The following SAP130 variants were observed in gnomAD, a reference collection of about 807,000 sequenced individuals.
The protein encoded by SAP130 is histone deacetylase complex subunit SAP130.
SAP130 carries 16 observed loss-of-function variants against 103.2 expected under a neutral mutation model. The ratio of observed to expected loss-of-function variants is 0.16; its 90% CI spans 0.10 to 0.24. The LOEUF is 0.24. Ranked by LOEUF, SAP130 falls within the 10% of genes least tolerant of loss-of-function variation. The probability of loss-of-function intolerance (pLI) is 1.00; values close to 1 mark genes in which losing one functional copy is unlikely to be tolerated. For missense variants in SAP130, 990 were observed against 1,359.7 expected (o/e 0.73, Z 4.28); for synonymous variants, 477 against 497.0 (o/e 0.96, Z 0.53).
At chr2:127,999,638 T>A in intron 10 of SAP130, 103 bp downstream of exon 10, 16 of 514,846 alleles carry the variant, frequency 3.1e-5, no homozygotes, top group Non-Finnish European at 4.7e-5. Flanking sequence ...AAAGAGGAAA[T>A]CAACAATGGT....
chr2:127,976,970 A>C (rs1409377832), intron 15 of SAP130, among the ~76,000 whole-genome samples: 1 of 152,160 alleles, frequency 6.6e-6, no homozygotes, highest in African/African-American at 2.4e-5. Context: ...ACGTGGAAAG[A>C]TACTTATCAG....
chr2:127,950,356 T>C lies in SAP130; in HGVS notation c.2475A>G (p.Ala825=), dbSNP rs370873609. Residue 825 remains alanine, a synonymous_variant, in exon 17 of 21, where the codon GCA becomes GCG. Coordinates refer to ENST00000643581, the MANE Select transcript of SAP130 (RefSeq NM_001330301.2). Reference sequence around the variant, plus strand: ...CACTTGTAGGCATGGACAAGTTGTTTGCCAGCAATGCAAGAGATGGAGACA... The same window carrying C: ...CACTTGTAGGCATGGACAAGTTGTTCGCCAGCAATGCAAGAGATGGAGACA... ...NTVSPSLALL[A]NNLSMPTSDL... 27 of 1,614,126 alleles carry C rather than the reference T, an allele frequency of 1.7e-5. No homozygotes were observed. Among genetic ancestry groups the C allele is most frequent in the Non-Finnish European group, 2.1e-5 (25 of 1,180,044 alleles).
In SAP130 at chr2:128,017,795, A is replaced by G; in HGVS notation, c.233T>C (p.Val78Ala). 6.2e-7 allele frequency: 1 copy of G among 1,614,158 alleles called. No homozygotes were observed. The highest frequency in any genetic ancestry group is 8.5e-7 in the Non-Finnish European group (1 of 1,180,026). ...AGCATGGTGTGTCGACAACATCTGC[A>G]CCTGTGGATAGGGCCTTACCACAAC... is the stretch of plus-strand genomic sequence containing the variant. ...EPVVVRPYPQ[V>A]QMLSTHHAVA... The change falls in exon 3 of 21, where the codon GTG (valine) becomes GCG (alanine). Residue 78 changes from valine to alanine, a missense_variant. This residue lies in a region of SAP130 where 167 missense variants were observed against 187.4 expected (regional missense o/e 0.89). Transcript: ENST00000643581.
intron 4 of SAP130, among the ~76,000 whole-genome samples, 179 bp downstream of exon 4, chr2:128,016,210 G>A (rs927902501): frequency 1.3e-5 from 2 of 152,008 alleles, no homozygotes; most frequent in Non-Finnish European, 2.9e-5. Context: ...ATGGACACTG[G>A]CTTCTACTCC....
chr2:127,958,635 T>TGAGAGAGAGAGAGAGAGA (rs372337440), intron 15 of SAP130, among the ~76,000 whole-genome samples: 3 of 127,708 alleles, frequency 2.3e-5, no homozygotes, highest in East Asian at 2.4e-4. Context: ...GTGAGACAGA[T>TGAGAGAGAGAGAGAGAGA]GAGAGAGAGA....
At chr2:127,957,380 A>AT (rs1331057849) in intron 15 of SAP130, among the ~76,000 whole-genome samples, 2 of 152,248 alleles carry the variant, frequency 1.3e-5, no homozygotes, top group African/African-American at 2.4e-5. Context: ...TTGAATAGGC[A>AT]TAAGAAAGAA....
At chr2:127,965,451 A>G (rs891053451) in intron 15 of SAP130, among the ~76,000 whole-genome samples, 1 of 152,134 alleles carries the variant, frequency 6.6e-6, no homozygotes, top group Non-Finnish European at 1.5e-5. Flanking sequence ...AGCTTGAGTG[A>G]CACAGTGAGA....
At chr2:127,981,318 A>AGCTCCCCCACCCCG (rs1681865081) in intron 14 of SAP130, among the ~76,000 whole-genome samples, 1 of 32,518 alleles carries the variant, frequency 3.1e-5, no homozygotes, top group Non-Finnish European at 6.6e-5. Flanking sequence ...CTGCACCCCC[A>AGCTCCCCCACCCCG]ATTCAGCTCC....
intron 7 of SAP130, among the ~76,000 whole-genome samples, chr2:128,006,958 TA>T (rs1426832538): frequency 1.3e-5 from 2 of 152,188 alleles, no homozygotes; most frequent in Admixed American, 1.3e-4. Context: ...ATCATCTGAT[TA>T]GGGTTTTTGT....
rs116654069 is a variant in SAP130, at chr2:127,961,473, C to T, written c.2064-6129G>A. Among the ~76,000 whole-genome samples the T allele has an allele frequency of 6.6e-3, 1,004 of 151,432 alleles. 17 individuals are homozygous for T. Among genetic ancestry groups the T allele is most frequent in the African/African-American group, 0.023 (963 of 41,268 alleles). On this transcript the variant is annotated intron_variant, in intron 15 of 20. Coordinates refer to ENST00000643581, the MANE Select transcript of SAP130 (RefSeq NM_001330301.2). ...CAAATGTTATTTTCTTACCCAACTT[C>T]CCTGCTTATTTCAAAACTGTCATAG...
At chr2:127,976,933 T>C (rs1313543734) in intron 15 of SAP130, among the ~76,000 whole-genome samples, 2 of 151,898 alleles carry the variant, frequency 1.3e-5, no homozygotes, top group East Asian at 3.9e-4. Context: ...AATCTATCAA[T>C]CTATCTACAT....
chr2:127,952,950 T>C (rs1393582984), intron 16 of SAP130, among the ~76,000 whole-genome samples: 1 of 152,170 alleles, frequency 6.6e-6, no homozygotes, highest in Non-Finnish European at 1.5e-5. Flanking sequence ...TCCAGGCTCA[T>C]GACTTTAAAT....
chr2:127,993,344 C>T, intron 11 of SAP130, 36 bp from the exon 12 acceptor site: 1 of 1,570,080 alleles, frequency 6.4e-7, no homozygotes, highest in Non-Finnish European at 8.6e-7. Context: ...ACAAAATAGT[C>T]ATTTTCTTCT....
intron 7 of SAP130, among the ~76,000 whole-genome samples, chr2:128,004,910 T>A (rs1683848611): frequency 6.6e-6 from 1 of 152,076 alleles, no homozygotes; most frequent in South Asian, 2.1e-4. Flanking sequence ...CAATTACAAA[T>A]GGGGATCCAG....
At position 127,949,881 on chromosome 2, in the gene SAP130, C is replaced by T. The variant is rs368212529; in HGVS notation, c.2785G>A (p.Val929Ile). 75 of 1,613,992 alleles carry T rather than the reference C, an allele frequency of 4.6e-5. No individual in the cohort carries two copies. The highest frequency in any genetic ancestry group is 5.0e-5 in the Non-Finnish European group (59 of 1,180,008). The change falls in exon 18 of 21, where the codon GTC becomes ATC. Residue 929 changes from valine to isoleucine, a missense_variant. This residue lies in a region of SAP130 where 69 missense variants were observed against 165.7 expected (regional missense o/e 0.42). Coordinates refer to ENST00000643581, the MANE Select transcript of SAP130 (RefSeq NM_001330301.2). Reference sequence around the variant, plus strand: ...TGGGGAAACTAACCTTTGACCCGGACGTCACTGTACCTCTGAAAGTGGTGG... The same window carrying T: ...TGGGGAAACTAACCTTTGACCCGGATGTCACTGTACCTCTGAAAGTGGTGG... Reference protein sequence around the residue: ...AYHHFQRYSDVRVKEEKKAML... With the variant: ...AYHHFQRYSDIRVKEEKKAML...
rs11674588 is a variant in SAP130, at chr2:127,989,385, T to C, written c.1780+179A>G. 0.18 allele frequency among the ~76,000 whole-genome samples: 27,224 copies of C among 152,072 alleles called. 3,225 individuals carry two copies. The highest frequency in any genetic ancestry group is 0.39 in the South Asian group (1,881 of 4,814). On this transcript the variant is annotated intron_variant, in intron 13 of 20. Transcript: ENST00000643581. The surrounding 1 kb of genome is among the most constrained non-coding windows in gnomAD (Gnocchi z 4.6). Reference sequence around the variant, plus strand: ...GTGCTGGGATTACAGTGAGGTATATTATTTCTAACGTTTACAGTGACCCTG... The same window carrying C: ...GTGCTGGGATTACAGTGAGGTATATCATTTCTAACGTTTACAGTGACCCTG...
chr2:127,966,197 G>A (rs1680645005), intron 15 of SAP130, among the ~76,000 whole-genome samples: 1 of 151,672 alleles, frequency 6.6e-6, no homozygotes, highest in Non-Finnish European at 1.5e-5. Context: ...AAAAAAATAA[G>A]CCAGGCATGG....
intron 18 of SAP130, 111 bp downstream of exon 18, chr2:127,949,758 A>T: frequency 1.8e-6 from 2 of 1,138,608 alleles, no homozygotes; most frequent in Non-Finnish European, 2.5e-6. Flanking sequence ...TGTAACAAAA[A>T]CTTATGGTTT....
chr2:128,023,312 T>G (rs1038546696), intron 2 of SAP130, among the ~76,000 whole-genome samples: 2 of 152,154 alleles, frequency 1.3e-5, no homozygotes, highest in Non-Finnish European at 2.9e-5. Flanking sequence ...CGGCTAATTT[T>G]TGTATTTGCT....
Sources: allele counts gnomAD v4.1 joint callset (sites outside exome capture counted in the v4.1 genomes callset), GRCh38; gene constraint gnomAD v4.1.1; regional missense constraint gnomAD v4.1.1; non-coding constraint Gnocchi (gnomAD v3.1); transcripts MANE v1.5; gene names NCBI Gene and HGNC (gene_info 2026-07-23, HGNC 2026-07-21).